Variants in NCR2 observed in about 807,000 individuals in gnomAD.
NCR2 encodes the protein natural cytotoxicity triggering receptor 2.
NCR2 carries 35 observed loss-of-function variants against 30.7 expected under a neutral mutation model. The ratio of observed to expected loss-of-function variants is 1.14; its 90% CI spans 0.87 to 1.51. NCR2 has a LOEUF of 1.51. Among genes scored for constraint, NCR2 ranks in the 40% most tolerant of loss-of-function variants. The probability of loss-of-function intolerance (pLI) is 0.00; values close to 1 mark genes in which losing one functional copy is unlikely to be tolerated. For missense variants in NCR2, 316 were observed against 328.9 expected, an observed-to-expected ratio of 0.96 and a Z score of 0.30; for synonymous variants, 146 against 134.8, an observed-to-expected ratio of 1.08 and a Z score of -0.58.
intron 2 of NCR2, 28 bp from the exon 3 acceptor site, chr6:41,341,766 T>C: frequency 6.9e-6 from 11 of 1,594,790 alleles, no homozygotes; most frequent in Non-Finnish European, 9.4e-6. Flanking sequence ...TCCCACTCAC[T>C]AACCACGCTC....
chr6:41,338,901 TG>T (rs1224787010), intron 2 of NCR2, among the ~76,000 whole-genome samples: 1 of 152,224 alleles, frequency 6.6e-6, no homozygotes, highest in African/African-American at 2.4e-5. Context: ...TGTTGGTCTT[TG>T]CAGTACAAAA....
chr6:41,350,684 C>A lies in NCR2; in HGVS notation c.651C>A (p.Asp217Glu), dbSNP rs763558871. 4 of 1,612,738 alleles carry A rather than the reference C, an allele frequency of 2.5e-6. No individual in the cohort carries two copies. The highest frequency in any genetic ancestry group is 2.5e-6 in the Non-Finnish European group (3 of 1,179,448). Residue 217 changes from aspartate (D) to glutamate (E), a missense_variant, in exon 5 of 5, where the codon GAC (aspartate) becomes GAA (glutamate). Transcript: ENST00000373089. ...TTTCCTGCTCTGATTGCAGGGGGGA[C>A]ATATGGTGGAAAACCATGATGGAGC... ...VLSALLVWWG[D>E]IWWKTMMELR...
At chr6:41,340,147 C>CTTTA (rs34270868) in intron 2 of NCR2, among the ~76,000 whole-genome samples, 63,701 of 147,132 alleles carry the variant, frequency 0.43, 15,683 homozygotes, top group Admixed American at 0.57. Flanking sequence ...TAGCTAACAA[C>CTTTA]TTTATTTATT....
rs1769003857 is a variant in NCR2 at position 41,335,813 on chromosome 6, C to T, written c.-64C>T. ...AGAGCAGCAGAATCAGGCCCAGCTC[C>T]CAATTCCCTCTCCCCAGTCTTCTCC... is the stretch of plus-strand genomic sequence containing the variant. On this transcript the variant is annotated 5_prime_UTR_variant, in exon 1 of 5. Coordinates refer to ENST00000373089, the MANE Select transcript of NCR2 (RefSeq NM_004828.4). 1 of 1,516,438 alleles carries T rather than the reference C, an allele frequency of 6.6e-7. No individual in the cohort carries two copies. The highest frequency in any genetic ancestry group is 9.0e-7 in the Non-Finnish European group (1 of 1,114,630). 93.9% of individuals were successfully genotyped at this position (1,516,438 alleles called of 1,614,324 possible).
At chr6:41,339,186 G>C (rs6928508) in intron 2 of NCR2, among the ~76,000 whole-genome samples, 7 of 151,200 alleles carry the variant, frequency 4.6e-5, no homozygotes, top group African/African-American at 1.7e-4. Flanking sequence ...CTCAGCCTCC[G>C]GTGTAGCTGG....
chr6:41,335,812 C>A lies in NCR2; in HGVS notation c.-65C>A, dbSNP rs920541475. 79 of 1,512,658 alleles carry A rather than the reference C, an allele frequency of 5.2e-5. No homozygotes were observed. Among genetic ancestry groups the A allele is most frequent in the Non-Finnish European group, 6.3e-5 (70 of 1,111,316 alleles). 93.7% of individuals were successfully genotyped at this position (1,512,658 alleles called of 1,614,324 possible). On this transcript the variant is annotated 5_prime_UTR_variant, in exon 1 of 5. Transcript: ENST00000373089. ...AAGAGCAGCAGAATCAGGCCCAGCTCCCAATTCCCTCTCCCCAGTCTTCTC... is the reference window on the plus strand; with the variant it reads ...AAGAGCAGCAGAATCAGGCCCAGCTACCAATTCCCTCTCCCCAGTCTTCTC...
chr6:41,345,250 C>T (rs571253014), intron 4 of NCR2, among the ~76,000 whole-genome samples: 2 of 152,288 alleles, frequency 1.3e-5, no homozygotes, highest in South Asian at 2.1e-4. Flanking sequence ...GCACCCACTT[C>T]AACCCTGCCT....
chr6:41,341,384 C>T (rs1308687793), intron 2 of NCR2, among the ~76,000 whole-genome samples: 1 of 152,142 alleles, frequency 6.6e-6, no homozygotes, highest in Admixed American at 6.5e-5. Flanking sequence ...GATCTGAAAA[C>T]TACCCTTCAA....
At chr6:41,344,586 G>A (rs995630653) in intron 4 of NCR2, among the ~76,000 whole-genome samples, 4 of 152,064 alleles carry the variant, frequency 2.6e-5, no homozygotes, top group South Asian at 2.1e-4. Flanking sequence ...ATTTCTAAAC[G>A]GTCCATTTGT....
rs185614906 is a variant in NCR2, at chr6:41,336,459, G to T, written c.394+31G>T. Reference sequence around the variant, plus strand: ...CTCTTTCCCTAGGGTCCTCAGAGGGGTGCCCCTCACCCCCTTTTGGTGCCT... The same window carrying T: ...CTCTTTCCCTAGGGTCCTCAGAGGGTTGCCCCTCACCCCCTTTTGGTGCCT... On this transcript the variant is annotated intron_variant, in intron 2 of 4. Coordinates refer to ENST00000373089, the MANE Select transcript of NCR2 (RefSeq NM_004828.4). The T allele has an allele frequency of 3.4e-5, 54 of 1,575,250 alleles. No individual in the cohort carries two copies. The African/African-American group carries it at 7.3e-4, about 21-fold the overall frequency.
intron 2 of NCR2, among the ~76,000 whole-genome samples, chr6:41,336,978 T>C (rs543141627): frequency 1.2e-4 from 18 of 152,352 alleles, no homozygotes; most frequent in East Asian, 1.2e-3. Context: ...AACACAGCCA[T>C]GCCCACTCAA....
At chr6:41,337,947 A>C (rs1201985496) in intron 2 of NCR2, among the ~76,000 whole-genome samples, 1 of 152,204 alleles carries the variant, frequency 6.6e-6, no homozygotes, top group Non-Finnish European at 1.5e-5. Flanking sequence ...TCAAATTATT[A>C]ATGTTTTCCC....
chr6:41,343,113 G>A, intron 4 of NCR2: 1 of 1,199,560 alleles, frequency 8.3e-7, no homozygotes, highest in Non-Finnish European at 1.2e-6. Context: ...AAAAGGCCAG[G>A]ACTTGATCCA....
At chr6:41,338,183 T>G (rs2627566) in intron 2 of NCR2, among the ~76,000 whole-genome samples, 1 of 152,238 alleles carries the variant, frequency 6.6e-6, no homozygotes, top group Non-Finnish European at 1.5e-5. Flanking sequence ...CAATTCACAT[T>G]TGTACTAAAC....
Position 41,342,135 on chromosome 6 carries a change from C to T in NCR2, c.630C>T (p.Ala210=). Residue 210 remains alanine, a synonymous_variant, in exon 4 of 5, where the codon GCC becomes GCT. Transcript: ENST00000373089. ...TAGCCAAGAGCCTGGTGCTGTCAGC[C>T]CTGCTCGTCTGGTGGTGAGTGTGGT... ...LLVAKSLVLS[A]LLVWWGDIWW... 1.2e-6 allele frequency: 2 copies of T among 1,613,102 alleles called. No homozygotes were observed. Among genetic ancestry groups the T allele is most frequent in the Non-Finnish European group, 8.5e-7 (1 of 1,179,990 alleles).
At chr6:41,341,259 G>C (rs1430511304) in intron 2 of NCR2, among the ~76,000 whole-genome samples, 1 of 152,156 alleles carries the variant, frequency 6.6e-6, no homozygotes, top group African/African-American at 2.4e-5. Context: ...TGAACAGCAG[G>C]AGTGGTGCGC....
At chr6:41,347,864 C>T (rs1023880088) in intron 4 of NCR2, among the ~76,000 whole-genome samples, 43 of 152,074 alleles carry the variant, frequency 2.8e-4, no homozygotes, top group African/African-American at 7.0e-4. Flanking sequence ...AGGGCCGTGC[C>T]CAAGACGGTG....
chr6:41,345,601 CCCCCA>C (rs1769281254), intron 4 of NCR2, among the ~76,000 whole-genome samples: 1 of 152,072 alleles, frequency 6.6e-6, no homozygotes, highest in Non-Finnish European at 1.5e-5. Context: ...CCCTCCCCTT[CCCCCA>C]AGGTCAGCAC....
Position 41,346,458 on chromosome 6 carries a change from A to G in NCR2, c.645-4220A>G, listed in dbSNP as rs1769302876. On this transcript the variant is annotated intron_variant, in intron 4 of 4. Transcript: ENST00000373089. ...ATCCTGCCACCCGCCCCTTTCCGCC[A>G]TCTCACCCATGCTTTCCTTTCCCTT... 2.0e-5 allele frequency among the ~76,000 whole-genome samples: 3 copies of G among 151,724 alleles called. No individual in the cohort carries two copies. The South Asian group carries it at 6.2e-4, about 32-fold the overall frequency.
Sources: gnomAD v4.1 joint callset for allele counts (sites outside exome capture counted in the v4.1 genomes callset) on GRCh38, gnomAD v4.1.1 for gene constraint, MANE v1.5 for transcripts, NCBI Gene and HGNC (gene_info 2026-07-23, HGNC 2026-07-21) for gene names.